The following CUBN variants were observed in gnomAD, a reference collection of about 807,000 sequenced individuals.
CUBN encodes the protein 460 kDa receptor.
A neutral mutation model predicts 405.3 loss-of-function variants in CUBN; 282 were observed. The observed-to-expected ratio is 0.70, with a 90% CI of 0.63 to 0.77. The LOEUF (loss-of-function observed/expected upper bound fraction) is 0.77. Ranked by LOEUF, CUBN falls within the 30% of genes least tolerant of loss-of-function variation. The pLI, the probability that CUBN is intolerant of heterozygous loss-of-function variation, is 0.00. For synonymous variants in CUBN, 1,684 were observed against 1,617.0 expected (o/e 1.04, Z -0.99); for missense variants, 4,514 against 4,475.2 (o/e 1.01, Z -0.25).
chr10:16,840,594 A>G (rs1041069046), intron 61 of CUBN, 59 bp from the exon 62 acceptor site: 21 of 1,378,620 alleles, frequency 1.5e-5, no homozygotes, highest in Admixed American at 1.4e-4. Flanking sequence ...ATCTCAGGCA[A>G]TCTTTGCAAT....
rs80308930 is a variant in CUBN, at chr10:16,840,375, C to T, written c.9987G>A (p.Ser3329=). The T allele has an allele frequency of 3.4e-4, 549 of 1,614,074 alleles. 3 individuals carry two copies. In the African/African-American group the frequency reaches 5.6e-3, roughly 16 times the overall value. The part of the protein sequence containing the change: ...KITVWALQLT[S]QDCTQNYLQL... ...GTAAGTAATTCTGCGTGCAGTCTTG[C>T]GAGGTCAGCTGTAATGCCCACACAG... The change falls in exon 62 of 67, where the codon TCG becomes TCA. Residue 3329 remains serine, a synonymous_variant. Transcript: ENST00000377833.
chr10:16,887,241 G>A (rs1315575624), intron 56 of CUBN, among the ~76,000 whole-genome samples: 1 of 152,194 alleles, frequency 6.6e-6, no homozygotes, highest in Non-Finnish European at 1.5e-5. Flanking sequence ...TTAAATGCAA[G>A]TGAATAAATT....
At chr10:17,115,191 C>A (rs1308884813) in intron 7 of CUBN, among the ~76,000 whole-genome samples, 3 of 146,796 alleles carry the variant, frequency 2.0e-5, no homozygotes, top group African/African-American at 7.6e-5. Context: ...TTGCAGTGAG[C>A]TGAGATCGTG....
At position 16,906,300 on chromosome 10, in the gene CUBN, A is replaced by C. The variant is rs1387674011; in HGVS notation, c.7815T>G (p.Asn2605Lys). 4 of 1,613,738 alleles carry C rather than the reference A, an allele frequency of 2.5e-6. No individual in the cohort carries two copies. The highest frequency in any genetic ancestry group is 3.4e-6 in the Non-Finnish European group (4 of 1,179,732). ...RNLNCEWTLS[N>K]PNQGNSSISI... ...AAATGGATGAATTTCCCTGATTTGGATTGCTGAGAGTCCATTCGCAGTTCA... is the reference window on the plus strand; with the variant it reads ...AAATGGATGAATTTCCCTGATTTGGCTTGCTGAGAGTCCATTCGCAGTTCA... Residue 2605 changes from asparagine to lysine, a missense_variant, in exon 50 of 67, where the codon AAT becomes AAG. Physicochemically the swap from Asn to Lys is moderately conservative, Grantham distance 94. Transcript: ENST00000377833.
intron 27 of CUBN, among the ~76,000 whole-genome samples, chr10:17,025,356 A>G (rs753913458): frequency 8.5e-5 from 13 of 152,184 alleles, no homozygotes; most frequent in Non-Finnish European, 1.8e-4. Flanking sequence ...ACTAATGTCA[A>G]TGTGGCCAGA....
At position 17,122,673 on chromosome 10, in the gene CUBN, T is replaced by A. The variant is rs905493131; in HGVS notation, c.593+122A>T. Reference sequence around the variant, plus strand: ...AGACGTTAAGCAAGAGCTAAATATTTCCTCATGGAGTACCAACTTTTGGTG... The same window carrying A: ...AGACGTTAAGCAAGAGCTAAATATTACCTCATGGAGTACCAACTTTTGGTG... On this transcript the variant is annotated intron_variant, in intron 6 of 66. Coordinates refer to ENST00000377833, the MANE Select transcript of CUBN (RefSeq NM_001081.4). 4 of 703,836 alleles carry A rather than the reference T, an allele frequency of 5.7e-6. No homozygotes were observed. The African/African-American group carries it at 7.2e-5, about 13-fold the overall frequency. 43.6% of individuals were successfully genotyped at this position (703,836 alleles called of 1,614,324 possible).
chr10:16,970,751 G>A (rs1843527509), intron 31 of CUBN, among the ~76,000 whole-genome samples: 1 of 152,096 alleles, frequency 6.6e-6, no homozygotes, highest in African/African-American at 2.4e-5. Flanking sequence ...TGATCCTGCT[G>A]TTAATTTCTA....
chr10:16,918,182 T>A (rs1841936467), intron 45 of CUBN, among the ~76,000 whole-genome samples: 1 of 152,204 alleles, frequency 6.6e-6, no homozygotes, highest in African/African-American at 2.4e-5. Context: ...CCATGCTGTT[T>A]TGGTTACTGT....
At chr10:17,010,256 G>A (rs1489078739) in intron 28 of CUBN, among the ~76,000 whole-genome samples, 1 of 152,186 alleles carries the variant, frequency 6.6e-6, no homozygotes, top group Non-Finnish European at 1.5e-5. Context: ...ATGTGTTTCA[G>A]AATCACGGAA....
intron 18 of CUBN, 91 bp downstream of exon 18, chr10:17,071,736 A>T (rs888434696): frequency 2.0e-6 from 3 of 1,504,342 alleles, no homozygotes; most frequent in Non-Finnish European, 2.8e-6. Context: ...TCCACTTAAC[A>T]CTTGAGGACA....
At chr10:16,901,947 A>G (rs1394837833) in intron 51 of CUBN, among the ~76,000 whole-genome samples, 1 of 140,516 alleles carries the variant, frequency 7.1e-6, no homozygotes, top group Admixed American at 7.5e-5. Flanking sequence ...CATATATAGT[A>G]TATATATATA....
chr10:16,914,867 T>G (rs1038207672), intron 47 of CUBN, among the ~76,000 whole-genome samples, 165 bp downstream of exon 47: 1 of 152,342 alleles, frequency 6.6e-6, no homozygotes, highest in African/African-American at 2.4e-5. Flanking sequence ...ATAGCATTGA[T>G]CACAGCTGTA....
At chr10:17,107,664 A>AT (rs1564518135) in intron 10 of CUBN, among the ~76,000 whole-genome samples, 2 of 151,740 alleles carry the variant, frequency 1.3e-5, no homozygotes, top group East Asian at 1.9e-4. Flanking sequence ...CGCCTGGCTA[A>AT]TTTTTTGTAT....
At chr10:16,861,376 T>C (rs1368468786) in intron 59 of CUBN, among the ~76,000 whole-genome samples, 3 of 152,110 alleles carry the variant, frequency 2.0e-5, no homozygotes, top group Non-Finnish European at 4.4e-5. Context: ...TTGGCCAGGC[T>C]GGTCTCAAAC....
At chr10:16,828,395 T>A (rs1838858695) in intron 66 of CUBN, among the ~76,000 whole-genome samples, 1 of 152,228 alleles carries the variant, frequency 6.6e-6, no homozygotes. Context: ...AAGGCTGTGC[T>A]TCTTCCTCTG....
intron 53 of CUBN, 62 bp from the exon 54 acceptor site, chr10:16,899,245 A>G: frequency 8.2e-7 from 1 of 1,214,266 alleles, no homozygotes; most frequent in Non-Finnish European, 1.2e-6. Context: ...GAAACTCAAG[A>G]CTGCTACAGA....
At chr10:16,896,967 T>G (rs1841201467) in intron 54 of CUBN, among the ~76,000 whole-genome samples, 4 of 152,246 alleles carry the variant, frequency 2.6e-5, no homozygotes, top group Admixed American at 2.0e-4. Context: ...CAGCATGTTC[T>G]TTATTTATGT....
At chr10:17,007,922 G>A (rs921932030) in intron 28 of CUBN, among the ~76,000 whole-genome samples, 1 of 152,140 alleles carries the variant, frequency 6.6e-6, no homozygotes, top group Non-Finnish European at 1.5e-5. Flanking sequence ...TTGAGAGGCC[G>A]AAGCAAGCAA....
At chr10:17,034,514 G>A (rs1374607170) in intron 27 of CUBN, among the ~76,000 whole-genome samples, 2 of 152,174 alleles carry the variant, frequency 1.3e-5, no homozygotes, top group Non-Finnish European at 2.9e-5. Context: ...CTTGGTGGAA[G>A]TGGGCTATGA....
Sources: gnomAD v4.1 joint callset for allele counts (sites outside exome capture counted in the v4.1 genomes callset) on GRCh38, gnomAD v4.1.1 for gene constraint, MANE v1.5 for transcripts, NCBI Gene and HGNC (gene_info 2026-07-23, HGNC 2026-07-21) for gene names.